PDE7B: variants seen among roughly 807,000 people sequenced by gnomAD.
The protein encoded by PDE7B is phosphodiesterase 7B.
A neutral mutation model predicts 56.2 loss-of-function variants in PDE7B; 29 were observed. The ratio of observed to expected loss-of-function variants is 0.52; its 90% CI spans 0.38 to 0.70. PDE7B has a LOEUF of 0.70. Ranked by LOEUF, PDE7B falls within the 30% of genes least tolerant of loss-of-function variation. The pLI, the probability that PDE7B is intolerant of heterozygous loss-of-function variation, is 0.00. For synonymous variants in PDE7B, 197 were observed against 196.9 expected (o/e 1.00, Z 0.00); for missense variants, 490 against 565.0 (o/e 0.87, Z 1.35).
At chr6:136,115,652 G>A (rs561199156) in intron 3 of PDE7B, among the ~76,000 whole-genome samples, 6 of 152,276 alleles carry the variant, frequency 3.9e-5, no homozygotes, top group Non-Finnish European at 7.4e-5. Context: ...CTTTTTATCT[G>A]AAGGATGAAA....
chr6:136,145,626 G>T (rs548549189), intron 3 of PDE7B, among the ~76,000 whole-genome samples: 26 of 152,102 alleles, frequency 1.7e-4, no homozygotes, highest in Non-Finnish European at 3.2e-4. Flanking sequence ...CATGGTACCT[G>T]ACCCATTAGC....
At chr6:135,953,516 G>A (rs1165137439) in intron 2 of PDE7B, among the ~76,000 whole-genome samples, 1 of 151,970 alleles carries the variant, frequency 6.6e-6, no homozygotes, top group Admixed American at 6.6e-5. Flanking sequence ...ACCTTATTAG[G>A]GCTGTTGAGG....
Position 136,135,338 on chromosome 6 carries a change from G to A in PDE7B, c.167-12013G>A, listed in dbSNP as rs759324454. Among the ~76,000 whole-genome samples the A allele has an allele frequency of 5.2e-4, 79 of 151,918 alleles. 1 individual carries two copies. The highest frequency in any genetic ancestry group is 1.4e-3 in the Admixed American group (22 of 15,240). ...TGGTGGTTTTATTATTGTTGTAGAT[G>A]TTTTGTTGTATGTGTTTTTGTTTTC... On this transcript the variant is annotated intron_variant, in intron 3 of 12. Transcript: ENST00000308191.
intron 8 of PDE7B, among the ~76,000 whole-genome samples, chr6:136,159,329 T>G (rs1778664772): frequency 6.6e-6 from 1 of 152,220 alleles, no homozygotes; most frequent in Admixed American, 6.5e-5. Context: ...AAAGTAGTGC[T>G]AAAATTATAA....
At chr6:136,078,982 T>C (rs996530924) in intron 2 of PDE7B, among the ~76,000 whole-genome samples, 11 of 152,130 alleles carry the variant, frequency 7.2e-5, no homozygotes, top group Non-Finnish European at 1.3e-4. Flanking sequence ...AATGGGATTA[T>C]AAAATTGGGG....
At chr6:136,090,773 T>C (rs937284469) in intron 2 of PDE7B, among the ~76,000 whole-genome samples, 3 of 152,184 alleles carry the variant, frequency 2.0e-5, no homozygotes, top group African/African-American at 7.2e-5. Context: ...CTAACCTCCC[T>C]GTCTCTGTCT....
intron 3 of PDE7B, among the ~76,000 whole-genome samples, chr6:136,139,655 C>T (rs1046621622): frequency 1.2e-4 from 19 of 152,122 alleles, no homozygotes; most frequent in Non-Finnish European, 1.8e-4. Flanking sequence ...TTTTAACTAT[C>T]GCCATTCTAA....
chr6:135,989,872 T>C (rs895006849), intron 2 of PDE7B, among the ~76,000 whole-genome samples: 7 of 152,132 alleles, frequency 4.6e-5, no homozygotes, highest in African/African-American at 1.4e-4. Flanking sequence ...TTTAAGAATA[T>C]ATGAAACTCA....
intron 2 of PDE7B, among the ~76,000 whole-genome samples, chr6:136,089,984 A>G (rs1239591093): frequency 6.6e-6 from 1 of 152,162 alleles, no homozygotes; most frequent in Non-Finnish European, 1.5e-5. Flanking sequence ...CAAAGCATCT[A>G]TCTTAGTGAT....
intron 3 of PDE7B, among the ~76,000 whole-genome samples, chr6:136,145,304 CAGAG>C (rs573978060): frequency 1.3e-5 from 2 of 152,118 alleles, no homozygotes; most frequent in African/African-American, 4.8e-5. Flanking sequence ...CGTATTTTCT[CAGAG>C]AGATCCCTTG....
intron 2 of PDE7B, among the ~76,000 whole-genome samples, chr6:135,994,133 TGTGTGTGTG>T (rs1775522601): frequency 7.9e-6 from 1 of 127,214 alleles, no homozygotes; most frequent in Non-Finnish European, 1.6e-5. Context: ...TGTGTGTGTG[TGTGTGTGTG>T]TGTGTGTGTG....
intron 2 of PDE7B, chr6:136,037,694 C>G: frequency 1.0e-6 from 1 of 985,454 alleles, no homozygotes; most frequent in Non-Finnish European, 1.2e-6. Flanking sequence ...CTCCAGATAA[C>G]TGGCCTCCAG....
rs931365092 is a variant in PDE7B at position 136,155,752 on chromosome 6, A to G, written c.705A>G (p.Leu235=). 6.2e-6 allele frequency: 10 copies of G among 1,613,884 alleles called. No homozygotes were observed. Among genetic ancestry groups the G allele is most frequent in the East Asian group, 4.5e-5 (2 of 44,884 alleles). Residue 235 remains leucine (L), a synonymous_variant, in exon 8 of 13, where the codon CTA becomes CTG. Transcript: ENST00000308191. Reference sequence around the variant, plus strand: ...AAACTAACCACCATCTTGCAAACCTATATCAGGTAAGGGAGCCCAACCTGG... The same window carrying G: ...AAACTAACCACCATCTTGCAAACCTGTATCAGGTAAGGGAGCCCAACCTGG... The part of the protein sequence containing the change: ...LIKTNHHLAN[L]YQNMSVLENH...
intron 2 of PDE7B, among the ~76,000 whole-genome samples, chr6:135,962,825 C>T (rs1326287147): frequency 6.6e-6 from 1 of 152,174 alleles, no homozygotes; most frequent in African/African-American, 2.4e-5. Flanking sequence ...TTCCTGAGAT[C>T]AGCCATCCTT....
chr6:135,884,392 A>T (rs2128189215), intron 1 of PDE7B, among the ~76,000 whole-genome samples: 1 of 152,320 alleles, frequency 6.6e-6, no homozygotes, highest in East Asian at 1.9e-4. Flanking sequence ...TCTTCTAGTC[A>T]TCACATATGA....
At chr6:135,919,305 C>A (rs1774021096) in intron 1 of PDE7B, among the ~76,000 whole-genome samples, 1 of 152,090 alleles carries the variant, frequency 6.6e-6, no homozygotes, top group South Asian at 2.1e-4. Flanking sequence ...AACAAGAGGC[C>A]TTTTAGGAGG....
At chr6:135,930,451 G>C (rs1052941900) in intron 1 of PDE7B, among the ~76,000 whole-genome samples, 1 of 152,200 alleles carries the variant, frequency 6.6e-6, no homozygotes, top group East Asian at 1.9e-4. Flanking sequence ...TGGCTGCTAT[G>C]TGACAATTAG....
chr6:136,173,971 G>C (rs1345586215), intron 9 of PDE7B, 83 bp downstream of exon 9: 5 of 932,678 alleles, frequency 5.4e-6, no homozygotes, highest in Non-Finnish European at 8.8e-6. Context: ...GGGACCTTTT[G>C]CGTGAATGGC....
At chr6:136,004,100 A>G (rs571325251) in intron 2 of PDE7B, among the ~76,000 whole-genome samples, 1 of 152,162 alleles carries the variant, frequency 6.6e-6, no homozygotes, top group Non-Finnish European at 1.5e-5. Flanking sequence ...AAAGACAAAA[A>G]TCACATGATT....
Sources: gnomAD v4.1 joint callset for allele counts (sites outside exome capture counted in the v4.1 genomes callset) on GRCh38, gnomAD v4.1.1 for gene constraint, MANE v1.5 for transcripts, NCBI Gene and HGNC (gene_info 2026-07-23, HGNC 2026-07-21) for gene names.